Variants in KIF21B observed in about 807,000 individuals in gnomAD.
KIF21B encodes the protein kinesin family member 21B.
In KIF21B, 85 loss-of-function variants were observed where a neutral mutation model predicts 192.9. The ratio of observed to expected loss-of-function variants is 0.44; its 90% confidence interval spans 0.37 to 0.53. The LOEUF (loss-of-function observed/expected upper bound fraction) is 0.53, where lower values mean the gene tolerates loss of function less well. Ranked by LOEUF, KIF21B falls within the 20% of genes least tolerant of loss-of-function variation. The pLI is 0.00. For missense variants in KIF21B, 1,716 were observed against 2,194.8 expected (o/e 0.78, Z 4.36); for synonymous variants, 832 against 884.6 (o/e 0.94, Z 1.05).
chr1:200,974,292 T>A lies in KIF21B; in HGVS notation c.4814+422A>T, dbSNP rs570400498. On this transcript the variant is annotated intron_variant, in intron 34 of 34. Coordinates refer to ENST00000461742, the MANE Select transcript of KIF21B (RefSeq NM_001252102.2). ...AAAGTCGGAACAAGAAAGAAAGCCA[T>A]CTGAGTCGCACCCCATGGGACAGAG... The A allele has an allele frequency of 1.3e-4, 173 of 1,378,676 alleles. No homozygotes were observed. The Admixed American group carries it at 1.8e-3, about 14-fold the overall frequency. The allele number at this position is 1,378,676 out of a possible 1,614,324, so 85.4% of individuals were successfully genotyped here. A position where few individuals can be genotyped will look rare whatever the true frequency, so the allele number is the denominator to read the frequency against.
chr1:201,019,712 G>C (rs1035307000), intron 1 of KIF21B, among the ~76,000 whole-genome samples: 2 of 152,166 alleles, frequency 1.3e-5, no homozygotes, highest in African/African-American at 4.8e-5. Context: ...CCACCACCAA[G>C]ATTCTCAGGT....
intron 30 of KIF21B, among the ~76,000 whole-genome samples, chr1:200,977,945 G>C (rs1482918553): frequency 1.3e-5 from 2 of 151,816 alleles, no homozygotes; most frequent in African/African-American, 4.8e-5. Context: ...TATTGGTCGG[G>C]CTGGTCTCGA....
chr1:200,999,514 C>A lies in KIF21B; in HGVS notation c.1768-48G>T, dbSNP rs1490127247. 1.3e-6 allele frequency: 2 copies of A among 1,595,652 alleles called. No individual in the cohort carries two copies. The highest frequency in any genetic ancestry group is 1.3e-5 in the African/African-American group (1 of 74,860). On this transcript the variant is annotated intron_variant, in intron 12 of 34. Transcript: ENST00000461742. The surrounding 1 kb of genome is among the most constrained non-coding windows in gnomAD (Gnocchi z 4.7). ...GTGGGCCTGGCCTCAGAGAGGGGAG[C>A]CCAGAAGCAGAGGTGCATCCCGACA...
At chr1:200,983,647 G>A (rs980463559) in intron 27 of KIF21B, among the ~76,000 whole-genome samples, 3 of 152,170 alleles carry the variant, frequency 2.0e-5, no homozygotes, top group Non-Finnish European at 2.9e-5. Flanking sequence ...TCCAAGACCT[G>A]GACCATTGGA....
Position 201,000,525 on chromosome 1 carries a change from A to T in KIF21B, c.1550T>A (p.Leu517Gln). 6.2e-7 allele frequency: 1 copy of T among 1,612,326 alleles called. No homozygotes were observed. The highest frequency in any genetic ancestry group is 2.2e-5 in the East Asian group (1 of 44,844). Reference sequence around the variant, plus strand: ...GGCCGGGGCGGCTGGAGAAGCACCCAGGGAGTAGGGGCTCCTAGCCGAGGC... The same window carrying T: ...GGCCGGGGCGGCTGGAGAAGCACCCTGGGAGTAGGGGCTCCTAGCCGAGGC... Reference protein sequence around the residue: ...SRASARSPYSLGASPAAPAFG... With the variant: ...SRASARSPYSQGASPAAPAFG... The change falls in exon 11 of 35, where the codon CTG becomes CAG. Residue 517 changes from leucine (L) to glutamine (Q), a missense_variant. Coordinates refer to ENST00000461742, the MANE Select transcript of KIF21B (RefSeq NM_001252102.2). This position sits in a 1 kb window ranked among gnomAD's most constrained non-coding sequence, Gnocchi z 6.0.
In KIF21B at chr1:200,975,551, G is replaced by A; in HGVS notation, c.4562C>T (p.Ser1521Phe). ...CCACTTCTTGATGCCGTTATCTCGG[G>A]AGCCACTGAACAGGATGTCTCCCTG... Reference protein sequence around the residue: ...AIQGDILFSGSRDNGIKKWDL... With the variant: ...AIQGDILFSGFRDNGIKKWDL... Residue 1521 changes from serine (S) to phenylalanine (F), a missense_variant, in exon 33 of 35, where the codon TCC becomes TTC. Transcript: ENST00000461742. The surrounding 1 kb of genome is among the most constrained non-coding windows in gnomAD (Gnocchi z 4.3). 6.2e-7 allele frequency: 1 copy of A among 1,613,898 alleles called. No individual in the cohort carries two copies. Among genetic ancestry groups the A allele is most frequent in the Non-Finnish European group, 8.5e-7 (1 of 1,179,808 alleles).
intron 1 of KIF21B, among the ~76,000 whole-genome samples, chr1:201,014,529 C>G (rs1658399378): frequency 1.3e-5 from 2 of 152,228 alleles, no homozygotes; most frequent in Non-Finnish European, 2.9e-5. Flanking sequence ...TGGGCACGTG[C>G]TGGGAGCCCG....
Position 200,975,979 on chromosome 1 carries a change from G to A in KIF21B, c.4444-310C>T, listed in dbSNP as rs745798869. 6.6e-6 allele frequency among the ~76,000 whole-genome samples: 1 copy of A among 152,150 alleles called. No individual in the cohort carries two copies. The highest frequency in any genetic ancestry group is 1.5e-5 in the Non-Finnish European group (1 of 68,020). On this transcript the variant is annotated intron_variant, in intron 32 of 34. Coordinates refer to ENST00000461742, the MANE Select transcript of KIF21B (RefSeq NM_001252102.2). This position sits in a 1 kb window ranked among gnomAD's most constrained non-coding sequence, Gnocchi z 4.3. ...ACGCCGAGACCCCACAGCTCAACAG[G>A]CAGCTGCTAAGGAGAAGGGTGGGTT...
intron 3 of KIF21B, among the ~76,000 whole-genome samples, chr1:201,007,481 TAGAC>T: frequency 1.7e-5 from 1 of 57,628 alleles, no homozygotes; most frequent in African/African-American, 7.0e-5. Context: ...CAGAGACACA[TAGAC>T]ACACACACAG....
intron 3 of KIF21B, among the ~76,000 whole-genome samples, chr1:201,007,888 A>G (rs889161979): frequency 6.6e-6 from 1 of 152,240 alleles, no homozygotes. Context: ...ACAGTCATAC[A>G]CACATAGGCA....
At chr1:200,991,390 C>T (rs1364697933) in intron 17 of KIF21B, among the ~76,000 whole-genome samples, 1 of 152,262 alleles carries the variant, frequency 6.6e-6, no homozygotes, top group Non-Finnish European at 1.5e-5. Flanking sequence ...GTCTGCCCTG[C>T]AGCCTGAGCT....
Position 200,973,482 on chromosome 1 carries a change from TG to T in KIF21B, c.*38del. 7.1e-7 allele frequency: 1 copy of T among 1,413,738 alleles called. No homozygotes were observed. The highest frequency in any genetic ancestry group is 9.2e-7 in the Non-Finnish European group (1 of 1,091,636). The allele number at this position is 1,413,738 out of a possible 1,614,324, so 87.6% of individuals were successfully genotyped here. The stretch of plus-strand genomic sequence containing the variant: ...TTCCCTTCCATGGTGTCCAGGCTGC[TG>T]GGGTCGAGGGTCCGGGGGCATCCCT... On this transcript the variant is annotated 3_prime_UTR_variant, in exon 35 of 35. Transcript: ENST00000461742.
chr1:201,012,750 C>T (rs191740049), intron 1 of KIF21B, among the ~76,000 whole-genome samples: 260 of 152,204 alleles, frequency 1.7e-3, no homozygotes, highest in Admixed American at 4.0e-3. Context: ...CTCAGGTGAT[C>T]CTCCCACCTC....
intron 27 of KIF21B, among the ~76,000 whole-genome samples, chr1:200,984,297 T>C (rs1275994444): frequency 2.0e-5 from 3 of 152,148 alleles, no homozygotes; most frequent in African/African-American, 7.2e-5. Context: ...AAATCACATA[T>C]ATGAAAGCAG....
At chr1:200,985,083 G>T in intron 26 of KIF21B, 111 bp from the exon 27 acceptor site, 1 of 626,914 alleles carries the variant, frequency 1.6e-6, no homozygotes, top group South Asian at 2.1e-5. Context: ...GACAGGGTCT[G>T]CTGTGCAGTA....
At chr1:201,003,289 G>C (rs1032204451) in intron 8 of KIF21B, 7 of 470,042 alleles carry the variant, frequency 1.5e-5, no homozygotes, top group Admixed American at 3.4e-5. Flanking sequence ...ACCCTGGAGA[G>C]TGTCTGCCCT....
chr1:201,005,122 G>A (rs1305250406), intron 5 of KIF21B, among the ~76,000 whole-genome samples, 186 bp downstream of exon 5: 2 of 152,228 alleles, frequency 1.3e-5, no homozygotes, highest in Non-Finnish European at 2.9e-5. Context: ...ACAACACCAC[G>A]ATACAGAGAT....
rs1449276608 is a variant in KIF21B at position 200,996,194 on chromosome 1, A to C, written c.2277+2T>G. ...CCCACTCCTCACACCCTCGGCCCCT[A>C]CCTTGGCCTTCTTCATCTCAGCCAC... On this transcript the variant is annotated splice_donor_variant, in intron 15 of 34. Coordinates refer to ENST00000461742, the MANE Select transcript of KIF21B (RefSeq NM_001252102.2). LOFTEE classifies it high-confidence loss of function. 3 of 1,612,586 alleles carry C rather than the reference A, an allele frequency of 1.9e-6. No homozygotes were observed. Among genetic ancestry groups the C allele is most frequent in the Non-Finnish European group, 2.5e-6 (3 of 1,179,944 alleles).
chr1:200,988,976 G>T lies in KIF21B; in HGVS notation c.3133-45C>A, dbSNP rs757183874. The stretch of plus-strand genomic sequence containing the variant: ...CCTGGAGTTACCCCTCCTGGGGGTT[G>T]GGAGTCACCCATATCACACAACCTG... On this transcript the variant is annotated intron_variant, in intron 21 of 34. Coordinates refer to ENST00000461742, the MANE Select transcript of KIF21B (RefSeq NM_001252102.2). 1.1e-5 allele frequency: 17 copies of T among 1,557,376 alleles called. No individual in the cohort carries two copies. The Admixed American group carries it at 3.0e-4, about 27-fold the overall frequency.
Sources: allele counts gnomAD v4.1 joint callset (sites outside exome capture counted in the v4.1 genomes callset), GRCh38; gene constraint gnomAD v4.1.1; non-coding constraint Gnocchi (gnomAD v3.1); transcripts MANE v1.5; gene names NCBI Gene and HGNC (gene_info 2026-07-23, HGNC 2026-07-21).